Variants in AVEN observed in about 807,000 individuals in gnomAD.
The protein encoded by AVEN is apoptosis and caspase activation inhibitor, also known as cell death regulator Aven.
Under a neutral mutation model 38.1 loss-of-function variants are expected in AVEN, and 41 were observed. The ratio of observed to expected loss-of-function variants is 1.08; its 90% CI spans 0.84 to 1.40. The LOEUF is 1.40. Among genes scored for constraint, AVEN ranks in the 40% most tolerant of loss-of-function variants. AVEN has a pLI of 0.00. For synonymous variants in AVEN, 206 were observed against 171.8 expected (o/e 1.20, Z -1.56); for missense variants, 605 against 438.8 (o/e 1.38, Z -3.38).
intron 2 of AVEN, among the ~76,000 whole-genome samples, chr15:33,978,838 G>T (rs1896008619): frequency 6.6e-6 from 1 of 152,064 alleles, no homozygotes; most frequent in African/African-American, 2.4e-5. Flanking sequence ...GAAGAAACCA[G>T]AGAATAATGT....
At chr15:33,871,218 T>A (rs575559520) in intron 3 of AVEN, among the ~76,000 whole-genome samples, 188 bp from the exon 4 acceptor site, 1 of 152,156 alleles carries the variant, frequency 6.6e-6, no homozygotes, top group East Asian at 1.9e-4. Context: ...AGCTACCTTC[T>A]TGAGCCACAG....
chr15:33,867,792 C>G lies in AVEN; in HGVS notation c.676G>C (p.Gly226Arg), dbSNP rs750609985. The change falls in exon 5 of 6, where the codon GGG becomes CGG. Residue 226 changes from glycine to arginine, a missense_variant. Coordinates refer to ENST00000306730, the MANE Select transcript of AVEN (RefSeq NM_020371.3). ...CCCAAGGGCCCCTTTAACTGCATCC[C>G]TAATCCCTTGCCATCATCAGTTCTC... is the stretch of plus-strand genomic sequence containing the variant. ...PKRTDDGKGL[G>R]MQLKGPLGPG... 1.2e-6 allele frequency: 2 copies of G among 1,613,390 alleles called. No individual in the cohort carries two copies. Among genetic ancestry groups the G allele is most frequent in the South Asian group, 2.2e-5 (2 of 90,964 alleles).
intron 2 of AVEN, among the ~76,000 whole-genome samples, chr15:33,904,682 TAAAA>T (rs77784482): frequency 0.68 from 90,679 of 133,606 alleles, 32,776 homozygotes; most frequent in East Asian, 0.89. Flanking sequence ...ACTGTTTCTT[TAAAA>T]AAAAAAAAAT....
intron 2 of AVEN, among the ~76,000 whole-genome samples, chr15:33,892,877 T>C (rs1892046524): frequency 6.6e-6 from 1 of 152,192 alleles, no homozygotes; most frequent in Non-Finnish European, 1.5e-5. Flanking sequence ...CCTCCATTTG[T>C]TTGTGTCCTC....
intron 2 of AVEN, among the ~76,000 whole-genome samples, chr15:33,953,939 GA>G (rs976351194): frequency 1.3e-5 from 2 of 151,752 alleles, no homozygotes; most frequent in Non-Finnish European, 2.9e-5. Flanking sequence ...AAACTTTCGA[GA>G]ACTTAAATTT....
In AVEN at chr15:33,880,351, G is replaced by A. The variant is rs1891433546; in HGVS notation, c.446-4356C>T. Among the ~76,000 whole-genome samples, 4 of 152,132 alleles carry A rather than the reference G, an allele frequency of 2.6e-5. No homozygotes were observed. In the South Asian group the frequency reaches 8.3e-4, roughly 32 times the overall value. On this transcript the variant is annotated intron_variant, in intron 2 of 5. Transcript: ENST00000306730. ...GGCATTTATCAATTTTCAAAAGGTG[G>A]TATTGAGAGGCTAAAAAACAACCCA...
At chr15:33,959,810 A>G (rs1895096132) in intron 2 of AVEN, among the ~76,000 whole-genome samples, 1 of 152,256 alleles carries the variant, frequency 6.6e-6, no homozygotes, top group African/African-American at 2.4e-5. Flanking sequence ...TTTCTACAAC[A>G]TGGAATGTGA....
chr15:34,065,575 G>C (rs1249315788), intron 4 of AVEN: 3 of 152,198 alleles, frequency 2.0e-5, no homozygotes, highest in Admixed American at 2.0e-4. Context: ...GCACACTTGA[G>C]GGTGCGATGA....
At chr15:33,853,642 G>C in the AVEN span, 1 of 1,613,976 alleles carries the variant, frequency 6.2e-7, no homozygotes, top group Admixed American at 1.7e-5. Context: ...CTTTAGCCCA[G>C]TAGAAGAGAC....
intron 2 of AVEN, among the ~76,000 whole-genome samples, chr15:33,927,751 A>G (rs149680011): frequency 4.9e-4 from 74 of 152,358 alleles, no homozygotes; most frequent in Non-Finnish European, 1.0e-3. Flanking sequence ...GCAATCTGTT[A>G]AGAACACTTT....
intron 1 of AVEN, among the ~76,000 whole-genome samples, chr15:34,005,046 C>A (rs1035594552): frequency 6.6e-6 from 1 of 151,964 alleles, no homozygotes; most frequent in Non-Finnish European, 1.5e-5. Flanking sequence ...AAAAGACAAG[C>A]AAAACTAAAA....
chr15:34,062,338 G>A (rs1313542667), intron 5 of AVEN, among the ~76,000 whole-genome samples: 3 of 152,042 alleles, frequency 2.0e-5, no homozygotes, highest in Admixed American at 6.6e-5. Context: ...GGTGGATCAC[G>A]AAGTCAGGAG....
At chr15:33,930,138 C>T (rs2153050404) in intron 2 of AVEN, among the ~76,000 whole-genome samples, 1 of 152,206 alleles carries the variant, frequency 6.6e-6, no homozygotes. Flanking sequence ...AAAAAATTAA[C>T]AAATACCTTC....
At chr15:34,074,622 C>T (rs762361207) in exon 1 of AVEN, among the ~76,000 whole-genome samples, 19 of 152,082 alleles carry the variant, frequency 1.2e-4, no homozygotes, top group Non-Finnish European at 2.4e-4. Context: ...TCTTTGGTGT[C>T]GGTCTCTGTG....
At position 33,867,821 on chromosome 15, in the gene AVEN, G is replaced by C. The variant is rs368260695; in HGVS notation, c.647C>G (p.Pro216Arg). The C allele has an allele frequency of 8.1e-6, 13 of 1,602,958 alleles. 1 individual carries two copies. Among genetic ancestry groups the C allele is most frequent in the Admixed American group, 5.3e-5 (3 of 56,960 alleles). Residue 216 changes from proline to arginine, a missense_variant, in exon 5 of 6, where the codon CCA becomes CGA. By Grantham distance (103) the Pro-to-Arg change is moderately radical. Transcript: ENST00000306730. Reference sequence around the variant, plus strand: ...TCCCTTGCCATCATCAGTTCTCTTTGGTTTCACCTGAGGAACCTCTAAAGG... The same window carrying C: ...TCCCTTGCCATCATCAGTTCTCTTTCGTTTCACCTGAGGAACCTCTAAAGG... ...TVPLEVPQVK[P>R]KRTDDGKGLG...
rs530780202 is a variant in AVEN, at chr15:33,931,520, G to A, written c.446-55525C>T. On this transcript the variant is annotated intron_variant, in intron 2 of 5. Coordinates refer to ENST00000306730, the MANE Select transcript of AVEN (RefSeq NM_020371.3). ...AGAGTTGCTGGGACTACAGGCACCC[G>A]CCACCACACCCAGCTAATTTTTTGT... is the stretch of plus-strand genomic sequence containing the variant. 2.0e-4 allele frequency among the ~76,000 whole-genome samples: 30 copies of A among 151,824 alleles called. No homozygotes were observed. In the South Asian group the frequency reaches 5.0e-3, roughly 25 times the overall value.
intron 2 of AVEN, among the ~76,000 whole-genome samples, chr15:33,949,306 C>CA (rs1490241112): frequency 1.3e-5 from 2 of 152,204 alleles, no homozygotes; most frequent in Non-Finnish European, 2.9e-5. Flanking sequence ...AGGCGTGAGC[C>CA]ACCGCGCCCA....
At chr15:33,862,684 C>G (rs1421376852), downstream of AVEN, among the ~76,000 whole-genome samples, 1 of 152,018 alleles carries the variant, frequency 6.6e-6, no homozygotes, top group Non-Finnish European at 1.5e-5. Context: ...CATCTTGGCT[C>G]ACTGTAGCCT....
chr15:33,990,364 AGAGT>A (rs1896669298), intron 2 of AVEN, among the ~76,000 whole-genome samples: 1 of 152,142 alleles, frequency 6.6e-6, no homozygotes, highest in Non-Finnish European at 1.5e-5. Context: ...CATGGGCGAC[AGAGT>A]GAGACCCTGT....
Sources: gnomAD v4.1 joint callset for allele counts (sites outside exome capture counted in the v4.1 genomes callset) on GRCh38, gnomAD v4.1.1 for gene constraint, MANE v1.5 for transcripts, NCBI Gene and HGNC (gene_info 2026-07-23, HGNC 2026-07-21) for gene names.